The following SESN1 variants were observed in gnomAD, a reference collection of about 807,000 sequenced individuals.
SESN1 encodes the protein sestrin-1.
SESN1 carries 30 observed loss-of-function variants against 59.3 expected under a neutral mutation model. The ratio of observed to expected loss-of-function variants is 0.51; its 90% CI spans 0.38 to 0.69. The LOEUF (loss-of-function observed/expected upper bound fraction) is 0.69. Ranked by LOEUF, SESN1 falls within the 30% of genes least tolerant of loss-of-function variation. The pLI, the probability that SESN1 is intolerant of heterozygous loss-of-function variation, is 0.00. For synonymous variants in SESN1, 197 were observed against 219.9 expected (o/e 0.90, Z 0.92); for missense variants, 566 against 673.0 (o/e 0.84, Z 1.76).
chr6:109,035,009 T>C (rs1752993176), intron 1 of SESN1, among the ~76,000 whole-genome samples: 1 of 152,240 alleles, frequency 6.6e-6, no homozygotes, highest in African/African-American at 2.4e-5. Flanking sequence ...AATTTCAATT[T>C]CACTTATTTT....
At position 109,094,411 on chromosome 6, in the gene SESN1, G is replaced by C. The variant is rs1480762923; in HGVS notation, c.-338C>G. 5 of 309,522 alleles carry C rather than the reference G, an allele frequency of 1.6e-5. No individual in the cohort carries two copies. Among genetic ancestry groups the C allele is most frequent in the South Asian group, 7.9e-5 (2 of 25,416 alleles). The allele number at this position is 309,522 out of a possible 1,614,324, so 19.2% of individuals were successfully genotyped here. ...GGTCAGTGGATATCCTCACGTTGTG[G>C]AGCTGTCAAATCCGTGCTCTGCCCC... On this transcript the variant is annotated 5_prime_UTR_variant, in exon 1 of 10. Transcript: ENST00000436639.
In SESN1 at chr6:109,086,304, A is replaced by T. The variant is rs147474506; in HGVS notation, c.279+7491T>A. Among the ~76,000 whole-genome samples, 1,188 of 152,228 alleles carry T rather than the reference A, an allele frequency of 7.8e-3. 21 individuals carry two copies. The highest frequency in any genetic ancestry group is 0.027 in the African/African-American group (1,141 of 41,522). On this transcript the variant is annotated intron_variant, in intron 1 of 9. Coordinates refer to ENST00000436639, the MANE Select transcript of SESN1 (RefSeq NM_014454.3). ...GAGGTGGAGGTTGCAGACAGCCAAG[A>T]TCATGCCACTGCACTCCAGCCTGGG...
intron 1 of SESN1, among the ~76,000 whole-genome samples, chr6:109,033,303 A>C (rs1393865318): frequency 6.6e-6 from 1 of 152,210 alleles, no homozygotes; most frequent in African/African-American, 2.4e-5. Context: ...TAAATGTAAG[A>C]AGGCAGACTG....
At chr6:109,060,417 C>T (rs933313476) in intron 1 of SESN1, among the ~76,000 whole-genome samples, 1 of 152,160 alleles carries the variant, frequency 6.6e-6, no homozygotes, top group African/African-American at 2.4e-5. Flanking sequence ...ATCTGACATG[C>T]TTGATTTGAC....
At chr6:109,020,739 G>GCATT (rs1444665955) in intron 1 of SESN1, among the ~76,000 whole-genome samples, 1 of 152,126 alleles carries the variant, frequency 6.6e-6, no homozygotes, top group Non-Finnish European at 1.5e-5. Flanking sequence ...AACTGACAGA[G>GCATT]CATTACCTGC....
intron 1 of SESN1, among the ~76,000 whole-genome samples, chr6:109,084,621 C>T (rs1389166809): frequency 6.6e-6 from 1 of 151,922 alleles, no homozygotes; most frequent in Non-Finnish European, 1.5e-5. Flanking sequence ...TAGGAATTGT[C>T]CTAAGGTGAT....
In SESN1 at chr6:108,990,629, CAGAA is replaced by C; in HGVS notation, c.1424+12_1424+15del. On this transcript the variant is annotated intron_variant, in intron 8 of 9. Transcript: ENST00000436639. Reference sequence around the variant, plus strand: ...AGAGGAAAACATCTCTTTATAAACACAGAAAGAAGACTAACCTTATTCCAAACAT... The same window carrying C: ...AGAGGAAAACATCTCTTTATAAACACAGAAGACTAACCTTATTCCAAACAT... 6.2e-7 allele frequency: 1 copy of C among 1,612,448 alleles called. No homozygotes were observed. Among genetic ancestry groups the C allele is most frequent in the Non-Finnish European group, 8.5e-7 (1 of 1,179,028 alleles).
chr6:109,063,365 T>C (rs1468569645), intron 1 of SESN1, among the ~76,000 whole-genome samples: 1 of 152,090 alleles, frequency 6.6e-6, no homozygotes, highest in African/African-American at 2.4e-5. Flanking sequence ...GGAAGGCCAG[T>C]AGGCTGCATA....
intron 1 of SESN1, among the ~76,000 whole-genome samples, chr6:109,051,208 C>T (rs1780536895): frequency 6.6e-6 from 1 of 151,610 alleles, no homozygotes; most frequent in Non-Finnish European, 1.5e-5. Flanking sequence ...TGGTTTAAAA[C>T]TTCTTTTGGA....
chr6:109,004,980 A>T (rs76267985), intron 1 of SESN1, among the ~76,000 whole-genome samples: 20,515 of 152,182 alleles, frequency 0.13, 1,510 homozygotes, highest in Middle Eastern at 0.2. Flanking sequence ...GAGTATAGAG[A>T]ATATATTACT....
At chr6:109,087,846 TA>T (rs1781239141) in intron 1 of SESN1, among the ~76,000 whole-genome samples, 1 of 152,136 alleles carries the variant, frequency 6.6e-6, no homozygotes, top group Admixed American at 6.5e-5. Context: ...GACCAAGTGA[TA>T]TATTATCTAG....
At chr6:109,074,684 T>C (rs1781001216) in intron 1 of SESN1, among the ~76,000 whole-genome samples, 1 of 152,228 alleles carries the variant, frequency 6.6e-6, no homozygotes, top group Non-Finnish European at 1.5e-5. Flanking sequence ...GCTTAATATT[T>C]AATCTCACTC....
intron 1 of SESN1, among the ~76,000 whole-genome samples, chr6:109,022,133 A>G (rs1479669140): frequency 2.0e-5 from 3 of 151,260 alleles, no homozygotes; most frequent in Non-Finnish European, 4.4e-5. Flanking sequence ...TTAATTTCCT[A>G]TAGAGATGCA....
chr6:108,994,155 AAAAAAAAAG>A (rs1319756669), intron 6 of SESN1, among the ~76,000 whole-genome samples: 1 of 150,914 alleles, frequency 6.6e-6, no homozygotes, highest in Non-Finnish European at 1.5e-5. Context: ...AAAAAAAAAA[AAAAAAAAAG>A]AGAAAAAAGA....
chr6:109,042,469 C>T (rs1475323369), intron 1 of SESN1, among the ~76,000 whole-genome samples: 3 of 148,706 alleles, frequency 2.0e-5, no homozygotes, highest in Non-Finnish European at 3.0e-5. Flanking sequence ...AAGACTGACA[C>T]GGGAATTAAG....
intron 1 of SESN1, among the ~76,000 whole-genome samples, chr6:109,084,742 A>T (rs889807438): frequency 1.3e-5 from 2 of 152,178 alleles, no homozygotes; most frequent in African/African-American, 4.8e-5. Flanking sequence ...AGTTTTTCCA[A>T]GGTAATTCCC....
intron 1 of SESN1, among the ~76,000 whole-genome samples, chr6:109,047,523 G>A (rs1365503932): frequency 2.3e-5 from 3 of 129,700 alleles, no homozygotes; most frequent in African/African-American, 5.6e-5. Context: ...GGTGAGGGGC[G>A]CCTCTGCCCG....
chr6:109,064,601 AGGGG>A (rs1284129709), intron 1 of SESN1, among the ~76,000 whole-genome samples: 9 of 3,952 alleles, frequency 2.3e-3, no homozygotes, highest in African/African-American at 0.016. Context: ...AGGGGAGGGG[AGGGG>A]AGGGGAGGGG....
intron 1 of SESN1, among the ~76,000 whole-genome samples, chr6:109,086,241 C>T (rs1251678071): frequency 1.3e-5 from 2 of 152,096 alleles, no homozygotes; most frequent in Non-Finnish European, 2.9e-5. Flanking sequence ...ATCCCAGCTA[C>T]TCGGGAGGCT....
Sources: gnomAD v4.1 joint callset for allele counts (sites outside exome capture counted in the v4.1 genomes callset) on GRCh38, gnomAD v4.1.1 for gene constraint, MANE v1.5 for transcripts, NCBI Gene and HGNC (gene_info 2026-07-23, HGNC 2026-07-21) for gene names.